PTPRK: variants seen among roughly 807,000 people sequenced by gnomAD.
PTPRK encodes protein tyrosine phosphatase receptor type K.
In PTPRK, 75 loss-of-function variants were observed where a neutral mutation model predicts 178.0. That is an observed-to-expected ratio of 0.42 (90% CI 0.35 to 0.51). The LOEUF (loss-of-function observed/expected upper bound fraction) is 0.51. PTPRK is among the 20% of genes least tolerant of loss of function. PTPRK has a pLI of 0.02. For synonymous variants in PTPRK, 637 were observed against 620.6 expected (o/e 1.03, Z -0.39); for missense variants, 1,441 against 1,797.8 (o/e 0.80, Z 3.59).
chr6:128,427,372 G>A (rs948154811), intron 1 of PTPRK, among the ~76,000 whole-genome samples: 1 of 152,162 alleles, frequency 6.6e-6, no homozygotes, highest in African/African-American at 2.4e-5. Context: ...CCACTCCCTT[G>A]CCTGCCTTCT....
At chr6:128,061,760 G>A (rs1019216104) in intron 13 of PTPRK, among the ~76,000 whole-genome samples, 2 of 152,248 alleles carry the variant, frequency 1.3e-5, no homozygotes, top group East Asian at 1.9e-4. Flanking sequence ...AAGCTAGCAA[G>A]GTGAGCCTTT....
At chr6:128,107,447 A>G (rs1470622038) in intron 7 of PTPRK, among the ~76,000 whole-genome samples, 1 of 152,122 alleles carries the variant, frequency 6.6e-6, no homozygotes, top group Non-Finnish European at 1.5e-5. Flanking sequence ...ATATTTTGAA[A>G]CACTTCCCCT....
At chr6:128,251,718 G>A (rs897096400) in intron 3 of PTPRK, among the ~76,000 whole-genome samples, 1 of 152,080 alleles carries the variant, frequency 6.6e-6, no homozygotes, top group South Asian at 2.1e-4. Flanking sequence ...ATAATTCTAT[G>A]TATCCATATA....
At chr6:128,225,168 T>C (rs1254752177) in intron 5 of PTPRK, among the ~76,000 whole-genome samples, 3 of 152,208 alleles carry the variant, frequency 2.0e-5, no homozygotes, top group Non-Finnish European at 2.9e-5. Flanking sequence ...TTCAAGGCTA[T>C]TGACTTGAAA....
Position 128,084,276 on chromosome 6 carries a change from C to T in PTPRK, c.1466-452G>A, listed in dbSNP as rs556698431. Among the ~76,000 whole-genome samples, 27 of 152,224 alleles carry T rather than the reference C, an allele frequency of 1.8e-4. No individual in the cohort carries two copies. In the South Asian group the frequency reaches 5.6e-3, roughly 32 times the overall value. Reference sequence around the variant, plus strand: ...AATAATAAATTACGATAATAATTAACACTCTTTGGTCTGGAAAGCCGAATC... The same window carrying T: ...AATAATAAATTACGATAATAATTAATACTCTTTGGTCTGGAAAGCCGAATC... On this transcript the variant is annotated intron_variant, in intron 8 of 29. Coordinates refer to ENST00000368226, the MANE Select transcript of PTPRK (RefSeq NM_002844.4).
intron 7 of PTPRK, among the ~76,000 whole-genome samples, chr6:128,136,061 T>C (rs906951237): frequency 1.3e-5 from 2 of 152,098 alleles, no homozygotes; most frequent in Non-Finnish European, 2.9e-5. Context: ...TATTCCAGTA[T>C]CTCTGGTGTC....
intron 3 of PTPRK, among the ~76,000 whole-genome samples, chr6:128,251,223 T>C (rs1816410821): frequency 6.6e-6 from 1 of 152,240 alleles, no homozygotes; most frequent in Admixed American, 6.5e-5. Context: ...AATATTTGTA[T>C]ACTCTTTGCT....
intron 13 of PTPRK, among the ~76,000 whole-genome samples, chr6:128,017,152 A>G (rs1196305115): frequency 6.6e-6 from 1 of 152,024 alleles, no homozygotes; most frequent in Admixed American, 6.6e-5. Flanking sequence ...CCATCCAAAG[A>G]GTTATTTTTA....
intron 1 of PTPRK, among the ~76,000 whole-genome samples, chr6:128,487,958 T>C (rs770092823): frequency 6.6e-6 from 1 of 152,140 alleles, no homozygotes; most frequent in Non-Finnish European, 1.5e-5. Context: ...AATAGGATAG[T>C]TGTATATGTG....
At chr6:128,432,684 T>C (rs1844988450) in intron 1 of PTPRK, among the ~76,000 whole-genome samples, 1 of 151,910 alleles carries the variant, frequency 6.6e-6, no homozygotes, top group Non-Finnish European at 1.5e-5. Flanking sequence ...AACACAGGTA[T>C]GAAGTACAAA....
At chr6:128,374,892 C>A (rs1216832757) in intron 2 of PTPRK, among the ~76,000 whole-genome samples, 4 of 151,904 alleles carry the variant, frequency 2.6e-5, no homozygotes, top group African/African-American at 9.7e-5. Flanking sequence ...TTCTTTAAAC[C>A]AAATTGGTCA....
At chr6:128,125,833 C>A (rs1433985767) in intron 7 of PTPRK, among the ~76,000 whole-genome samples, 1 of 151,778 alleles carries the variant, frequency 6.6e-6, no homozygotes, top group Non-Finnish European at 1.5e-5. Flanking sequence ...TGGTCTCGAA[C>A]CCCTGACCTC....
At chr6:128,011,641 G>A (rs1432247875) in intron 13 of PTPRK, among the ~76,000 whole-genome samples, 1 of 150,908 alleles carries the variant, frequency 6.6e-6, no homozygotes, top group Non-Finnish European at 1.5e-5. Context: ...CTATTACCTA[G>A]GTTTAGTAAT....
chr6:127,976,805 G>GAAA, intron 26 of PTPRK, 23 bp from the exon 27 acceptor site: 1 of 1,298,204 alleles, frequency 7.7e-7, no homozygotes, highest in Non-Finnish European at 1.1e-6. Flanking sequence ...CGTTTTGAAA[G>GAAA]AAAAAAAAAA....
chr6:128,079,412 C>A (rs953725424), intron 10 of PTPRK, among the ~76,000 whole-genome samples: 1 of 152,000 alleles, frequency 6.6e-6, no homozygotes, highest in African/African-American at 2.4e-5. Flanking sequence ...CAACTCTGGT[C>A]ACAAGAGAAA....
chr6:128,001,072 TA>T, intron 15 of PTPRK: 1 of 690,600 alleles, frequency 1.4e-6, no homozygotes. Context: ...TTAAACCACC[TA>T]ATAATGTGAC....
chr6:128,417,503 T>C (rs1842978750), intron 1 of PTPRK, among the ~76,000 whole-genome samples: 1 of 152,186 alleles, frequency 6.6e-6, no homozygotes, highest in Non-Finnish European at 1.5e-5. Context: ...ATGGAAAGCA[T>C]GGGAGTCATT....
intron 1 of PTPRK, among the ~76,000 whole-genome samples, chr6:128,476,622 G>A (rs1851407417): frequency 6.6e-6 from 1 of 151,956 alleles, no homozygotes. Flanking sequence ...TTCAACAAGT[G>A]TATACCATAT....
intron 7 of PTPRK, among the ~76,000 whole-genome samples, chr6:128,167,103 G>A (rs1799516467): frequency 6.6e-6 from 1 of 151,586 alleles, no homozygotes; most frequent in South Asian, 2.1e-4. Context: ...TTGAAACACA[G>A]CCTGTGCTGT....
Sources: gnomAD v4.1 joint callset for allele counts (sites outside exome capture counted in the v4.1 genomes callset) on GRCh38, gnomAD v4.1.1 for gene constraint, MANE v1.5 for transcripts, NCBI Gene and HGNC (gene_info 2026-07-23, HGNC 2026-07-21) for gene names.